EFCAB13: variants seen among roughly 807,000 people sequenced by gnomAD.
EFCAB13 encodes EF-hand calcium-binding domain-containing protein 13.
EFCAB13 carries 91 observed loss-of-function variants against 110.2 expected under a neutral mutation model. The ratio of observed to expected loss-of-function variants is 0.83; its 90% CI spans 0.70 to 0.98. The LOEUF (loss-of-function observed/expected upper bound fraction) is 0.98. EFCAB13 is among the 50% of genes least tolerant of loss of function. The pLI is 0.00. For missense variants in EFCAB13, 968 were observed against 1,119.4 expected, an observed-to-expected ratio of 0.86 and a Z score of 1.93; for synonymous variants, 323 against 369.9, an observed-to-expected ratio of 0.87 and a Z score of 1.45.
At chr17:47,423,517 T>C (rs1904800005) in intron 23 of EFCAB13, 1 of 262,284 alleles carries the variant, frequency 3.8e-6, no homozygotes, top group South Asian at 1.7e-4. Flanking sequence ...GGCTCCTCCT[T>C]CGCTTCTCCC....
At chr17:47,396,476 T>C (rs1203444466) in intron 17 of EFCAB13, among the ~76,000 whole-genome samples, 23 of 152,008 alleles carry the variant, frequency 1.5e-4, no homozygotes, top group Admixed American at 1.5e-3. Flanking sequence ...ACAAAGACTA[T>C]AGACTAAAAA....
At chr17:47,386,736 T>C (rs949905458) in intron 14 of EFCAB13, among the ~76,000 whole-genome samples, 5 of 152,122 alleles carry the variant, frequency 3.3e-5, no homozygotes, top group African/African-American at 1.2e-4. Context: ...CCCAGTTTTA[T>C]GCTTGAAACC....
intron 23 of EFCAB13, among the ~76,000 whole-genome samples, chr17:47,416,276 A>G (rs1188960390): frequency 6.6e-6 from 1 of 152,144 alleles, no homozygotes; most frequent in Non-Finnish European, 1.5e-5. Context: ...GTTAGCAGTT[A>G]TTCTCCATTC....
At chr17:47,379,372 G>A (rs2065633922) in intron 14 of EFCAB13, 119 bp downstream of exon 14, 2 of 697,512 alleles carry the variant, frequency 2.9e-6, no homozygotes, top group Non-Finnish European at 4.8e-6. Context: ...GTGACTCTTA[G>A]GCAAGTCAGT....
At position 47,440,865 on chromosome 17, in the gene EFCAB13, T is replaced by A; in HGVS notation, c.*151T>A. 1.7e-6 allele frequency: 1 copy of A among 579,474 alleles called. No individual in the cohort carries two copies. Among genetic ancestry groups the A allele is most frequent in the Non-Finnish European group, 2.8e-6 (1 of 352,430 alleles). 35.9% of individuals were successfully genotyped at this position (579,474 alleles called of 1,614,324 possible). On this transcript the variant is annotated 3_prime_UTR_variant, in exon 25 of 25. Transcript: ENST00000331493. Reference sequence around the variant, plus strand: ...CTATCTGTTATGTTCTCATGTATCTTCAGCGACTCTCTTGATCACACTTTT... The same window carrying A: ...CTATCTGTTATGTTCTCATGTATCTACAGCGACTCTCTTGATCACACTTTT...
intron 5 of EFCAB13, among the ~76,000 whole-genome samples, chr17:47,338,621 CCTCT>C (rs981070009): frequency 6.6e-6 from 1 of 151,674 alleles, no homozygotes; most frequent in Non-Finnish European, 1.5e-5. Context: ...TTTTCCTCCT[CCTCT>C]CTCTCCCTTG....
In EFCAB13 at chr17:47,374,864, G is replaced by T. The variant is rs1217705916; in HGVS notation, c.1270G>T (p.Asp424Tyr). Residue 424 changes from aspartate to tyrosine, a missense_variant, in exon 12 of 25, where the codon GAT becomes TAT. By Grantham distance (160) the Asp-to-Tyr change is radical. Coordinates refer to ENST00000331493, the MANE Select transcript of EFCAB13 (RefSeq NM_152347.5). The part of the protein sequence containing the change: ...TSLSKSLDKS[D>Y]ISSIPKLQKP... ...CCTCAGTAAGTCTCTGGATAAAAGT[G>T]ATATTTCTAGTATCCCAAAACTTCA... 1 of 1,613,242 alleles carries T rather than the reference G, an allele frequency of 6.2e-7. No homozygotes were observed. Among genetic ancestry groups the T allele is most frequent in the Non-Finnish European group, 8.5e-7 (1 of 1,179,750 alleles).
Position 47,391,476 on chromosome 17 carries a change from A to T in EFCAB13, c.1622A>T (p.Asp541Val), listed in dbSNP as rs72825679. The stretch of plus-strand genomic sequence containing the variant: ...ATTAAAGCCATTGATAAAATTAAAG[A>T]TAAAAATGTGGATTATGAGGATCTA... ...GVIKAIDKIK[D>V]KNVDYEDLNT... The change falls in exon 15 of 25, where the codon GAT becomes GTT. Residue 541 changes from aspartate (D) to valine (V), a missense_variant. Physicochemically the swap from Asp to Val is radical, Grantham distance 152 (BLOSUM62 -3). Coordinates refer to ENST00000331493, the MANE Select transcript of EFCAB13 (RefSeq NM_152347.5). 97,813 of 1,586,208 alleles carry T rather than the reference A, an allele frequency of 0.062. 3,745 individuals are homozygous for T. Among genetic ancestry groups the T allele is most frequent in the East Asian group, 0.17 (7,266 of 43,392 alleles).
At chr17:47,344,578 C>T (rs1454310885) in intron 7 of EFCAB13, among the ~76,000 whole-genome samples, 1 of 152,134 alleles carries the variant, frequency 6.6e-6, no homozygotes, top group East Asian at 1.9e-4. Context: ...TGTCTTCCAA[C>T]ACTAACATTA....
intron 23 of EFCAB13, chr17:47,423,672 C>T (rs1163430041): frequency 1.1e-5 from 5 of 446,674 alleles, no homozygotes; most frequent in Non-Finnish European, 1.8e-5. Context: ...CGCGCGGGGT[C>T]CGCACGACGT....
At chr17:47,364,670 C>T (rs2065535997) in intron 10 of EFCAB13, among the ~76,000 whole-genome samples, 1 of 152,198 alleles carries the variant, frequency 6.6e-6, no homozygotes, top group African/African-American at 2.4e-5. Context: ...TTCATCCTAA[C>T]AAGTATACCC....
At chr17:47,386,805 C>G (rs900469182) in intron 14 of EFCAB13, among the ~76,000 whole-genome samples, 1 of 152,130 alleles carries the variant, frequency 6.6e-6, no homozygotes, top group Non-Finnish European at 1.5e-5. Flanking sequence ...TTGCAAAAAC[C>G]GTGGGGAAAG....
intron 23 of EFCAB13, among the ~76,000 whole-genome samples, chr17:47,426,085 G>A (rs996770786): frequency 2.6e-5 from 4 of 152,166 alleles, no homozygotes; most frequent in Non-Finnish European, 5.9e-5. Context: ...CATGATGGAA[G>A]TATCTTGATA....
rs2065388899 is a variant in EFCAB13, at chr17:47,342,091, C to T, written c.303+59C>T. 86 of 981,080 alleles carry T rather than the reference C, an allele frequency of 8.8e-5. 1 individual carries two copies. In the South Asian group the frequency reaches 1.3e-3, roughly 15 times the overall value. The allele number at this position is 981,080 out of a possible 1,614,324, so 60.8% of individuals were successfully genotyped here. ...TCAAATATTTTCCTTAGCCCTCAAA[C>T]ATTCCCTTAAATTTTTTAGTCCAAG... On this transcript the variant is annotated intron_variant, in intron 6 of 24. Coordinates refer to ENST00000331493, the MANE Select transcript of EFCAB13 (RefSeq NM_152347.5).
At chr17:47,386,707 G>C (rs1484689971) in intron 14 of EFCAB13, among the ~76,000 whole-genome samples, 1 of 152,122 alleles carries the variant, frequency 6.6e-6, no homozygotes, top group Non-Finnish European at 1.5e-5. Flanking sequence ...AGCTAGCTTG[G>C]TGTCAGCCCA....
In EFCAB13 at chr17:47,379,232, C is replaced by T. The variant is rs199930631; in HGVS notation, c.1561C>T (p.Arg521Ter). The change falls in exon 14 of 25, where the codon CGA becomes TGA. Residue 521 changes from arginine to a stop codon, truncating the protein, a stop_gained. Coordinates refer to ENST00000331493, the MANE Select transcript of EFCAB13 (RefSeq NM_152347.5). LOFTEE classifies it high-confidence loss of function. ...CTTTGTAAATGCTCTCGCCAAGGAG[C>T]GAAGTTTTCCTGAATGCAATGGTAG... ...DDFVNALAKERSFPECNALPG... is the reference protein window; with the variant it reads ...DDFVNALAKE The T allele has an allele frequency of 7.4e-6, 12 of 1,612,934 alleles. No homozygotes were observed. The highest frequency in any genetic ancestry group is 2.2e-5 in the East Asian group (1 of 44,822).
Position 47,394,012 on chromosome 17 carries a change from C to A in EFCAB13, c.1727-13C>A. The A allele has an allele frequency of 6.6e-7, 1 of 1,509,010 alleles. No homozygotes were observed. Among genetic ancestry groups the A allele is most frequent in the Non-Finnish European group, 8.9e-7 (1 of 1,122,864 alleles). The allele number at this position is 1,509,010 out of a possible 1,614,324, so 93.5% of individuals were successfully genotyped here. ...TAAAAGATGCCAAAAAAATGTGTTT[C>A]TTTTTCCTGTAGAAACAAAAAAAGT... is the stretch of plus-strand genomic sequence containing the variant. On this transcript the variant is annotated splice_polypyrimidine_tract_variant and intron_variant, in intron 15 of 24. Transcript: ENST00000331493.
rs141305153 is a variant in EFCAB13, at chr17:47,436,226, G to A, written c.2639-4205G>A. Among the ~76,000 whole-genome samples the A allele has an allele frequency of 4.6e-5, 7 of 152,152 alleles. No homozygotes were observed. The East Asian group carries it at 7.7e-4, about 17-fold the overall frequency. Reference sequence around the variant, plus strand: ...CTACATTGATCAAGGATATCAGTCCGTAGTTTTCTTTTTTGGTTATGTCCT... The same window carrying A: ...CTACATTGATCAAGGATATCAGTCCATAGTTTTCTTTTTTGGTTATGTCCT... On this transcript the variant is annotated intron_variant, in intron 24 of 24. Transcript: ENST00000331493.
intron 14 of EFCAB13, among the ~76,000 whole-genome samples, chr17:47,386,812 A>C (rs866054877): frequency 6.6e-6 from 1 of 152,010 alleles, no homozygotes; most frequent in African/African-American, 2.4e-5. Context: ...AACCGTGGGG[A>C]AAGCATAGTA....
Sources: allele counts gnomAD v4.1 joint callset (sites outside exome capture counted in the v4.1 genomes callset), GRCh38; gene constraint gnomAD v4.1.1; transcripts MANE v1.5; gene names NCBI Gene and HGNC (gene_info 2026-07-23, HGNC 2026-07-21).